SPP2: variants seen among roughly 807,000 people sequenced by gnomAD.
SPP2 encodes the protein secreted phosphoprotein 2.
In SPP2, 34 loss-of-function variants were observed where a neutral mutation model predicts 28.8. The observed-to-expected ratio is 1.18, with a 90% CI of 0.90 to 1.57. SPP2 has a LOEUF of 1.57. Ranked by LOEUF, SPP2 falls within the 40% of genes most tolerant of loss-of-function variation. The probability of loss-of-function intolerance (pLI) is 0.00; values close to 1 mark genes in which losing one functional copy is unlikely to be tolerated. For synonymous variants in SPP2, 96 were observed against 89.4 expected, an observed-to-expected ratio of 1.07 and a Z score of -0.42; for missense variants, 269 against 263.9, an observed-to-expected ratio of 1.02 and a Z score of -0.13.
chr2:234,058,770 A>G lies in SPP2; in HGVS notation c.211-66A>G, dbSNP rs1693658374. On this transcript the variant is annotated intron_variant, in intron 2 of 7. Coordinates refer to ENST00000168148, the MANE Select transcript of SPP2 (RefSeq NM_006944.3). Reference sequence around the variant, plus strand: ...ATTTTTTTCTTATGGGGTAGAGACAATGATTTATAGCATCATAAACTTCAG... The same window carrying G: ...ATTTTTTTCTTATGGGGTAGAGACAGTGATTTATAGCATCATAAACTTCAG... 2.1e-5 allele frequency: 33 copies of G among 1,540,120 alleles called. No homozygotes were observed. In the South Asian group the frequency reaches 4.1e-4, roughly 19 times the overall value.
chr2:234,051,150 G>A, intron 2 of SPP2, 55 bp downstream of exon 2: 1 of 1,593,542 alleles, frequency 6.3e-7, no homozygotes, highest in Non-Finnish European at 8.6e-7. Context: ...TCTGCCTTTT[G>A]TCAGTTCATT....
chr2:234,073,602 A>G (rs2125474844), intron 7 of SPP2, among the ~76,000 whole-genome samples: 1 of 152,340 alleles, frequency 6.6e-6, no homozygotes, highest in East Asian at 1.9e-4. Flanking sequence ...TAAGGTAGGA[A>G]ATGTAGAAAA....
At chr2:234,056,383 T>G (rs913380440) in intron 2 of SPP2, 7 of 152,200 alleles carry the variant, frequency 4.6e-5, no homozygotes, top group Non-Finnish European at 1.0e-4. Flanking sequence ...CTTCTTATTG[T>G]TCAGCATTTA....
rs1693695483 is a variant in SPP2, at chr2:234,060,428, T to C, written c.393T>C (p.His131=). The part of the protein sequence containing the change: ...KVSAQQVQGV[H]ARCSWSSSTS... ...CTGCCCAGCAGGTGCAGGGCGTGCA[T>C]GCTCGCTGCAGCTGGTCCTCCTCCA... The change falls in exon 4 of 8, where the codon CAT becomes CAC. Residue 131 remains histidine, a synonymous_variant. Coordinates refer to ENST00000168148, the MANE Select transcript of SPP2 (RefSeq NM_006944.3). 8 of 1,613,670 alleles carry C rather than the reference T, an allele frequency of 5.0e-6. No homozygotes were observed. Among genetic ancestry groups the C allele is most frequent in the South Asian group, 1.1e-5 (1 of 90,994 alleles).
intron 2 of SPP2, among the ~76,000 whole-genome samples, chr2:234,054,159 G>A (rs1186687822): frequency 6.6e-6 from 1 of 152,164 alleles, no homozygotes; most frequent in African/African-American, 2.4e-5. Context: ...GGAATATTGG[G>A]TGAGCTGGCA....
chr2:234,060,444 T>C lies in SPP2; in HGVS notation c.409T>C (p.Ser137Pro). The C allele has an allele frequency of 6.2e-7, 1 of 1,613,638 alleles. No individual in the cohort carries two copies. The highest frequency in any genetic ancestry group is 8.5e-7 in the Non-Finnish European group (1 of 1,179,876). ...GGGCGTGCATGCTCGCTGCAGCTGG[T>C]CCTCCTCCACGTCTGAGTCTTACAG... is the stretch of plus-strand genomic sequence containing the variant. ...VQGVHARCSWSSSTSESYSSE... is the reference protein window; with the variant it reads ...VQGVHARCSWPSSTSESYSSE... Residue 137 changes from serine to proline, a missense_variant, in exon 4 of 8, where the codon TCC becomes CCC. Transcript: ENST00000168148.
rs147289450 is a variant in SPP2 at position 234,069,502 on chromosome 2, C to T, written c.551-426C>T. On this transcript the variant is annotated intron_variant, in intron 6 of 7. Transcript: ENST00000168148. ...AAATTTCTAAGCCAAAATCTAAAAA[C>T]ACATTGGGCCTGGGGGAGCATCATT... is the stretch of plus-strand genomic sequence containing the variant. 3.5e-3 allele frequency among the ~76,000 whole-genome samples: 535 copies of T among 152,228 alleles called. 5 individuals carry two copies. The highest frequency in any genetic ancestry group is 0.012 in the African/African-American group (518 of 41,532).
chr2:234,073,077 G>A (rs1690828820), intron 7 of SPP2, among the ~76,000 whole-genome samples: 1 of 151,982 alleles, frequency 6.6e-6, no homozygotes, highest in African/African-American at 2.4e-5. Context: ...TAGTAGAGAT[G>A]GGGTTTCACC....
intron 2 of SPP2, among the ~76,000 whole-genome samples, chr2:234,057,692 C>A (rs1295251534): frequency 6.6e-6 from 1 of 152,196 alleles, no homozygotes; most frequent in Admixed American, 6.5e-5. Context: ...GACATCAGAA[C>A]TCCCCAGATT....
rs562773040 is a variant in SPP2, at chr2:234,059,537, AAAAC to A, written c.333+603_333+606del. Among the ~76,000 whole-genome samples the A allele has an allele frequency of 1.3e-3, 191 of 152,252 alleles. 2 individuals carry two copies. The highest frequency in any genetic ancestry group is 9.5e-3 in the South Asian group (46 of 4,820). Reference sequence around the variant, plus strand: ...AGGCTCCCAAATCCAGTTTCTCGGAAAAACAAACAAACAAACAAACAAACAAAAA... The same window carrying A: ...AGGCTCCCAAATCCAGTTTCTCGGAAAAACAAACAAACAAACAAACAAAAA... On this transcript the variant is annotated intron_variant, in intron 3 of 7. Transcript: ENST00000168148.
Position 234,055,566 on chromosome 2 carries a change from T to C in SPP2, c.211-3270T>C, listed in dbSNP as rs7558750. Among the ~76,000 whole-genome samples the C allele has an allele frequency of 3.3e-3, 508 of 152,338 alleles. 5 individuals are homozygous for C. Among genetic ancestry groups the C allele is most frequent in the African/African-American group, 0.012 (488 of 41,590 alleles). On this transcript the variant is annotated intron_variant, in intron 2 of 7. Transcript: ENST00000168148. ...TCAAATGGAATTGCTATGGGTCTTT[T>C]ATTTTTATATATTTGTATTTCTTTT...
intron 6 of SPP2, among the ~76,000 whole-genome samples, chr2:234,069,008 T>G (rs2125468942): frequency 6.6e-6 from 1 of 152,284 alleles, no homozygotes. Flanking sequence ...TGATCTCATC[T>G]GAAGCTTGAC....
Position 234,066,572 on chromosome 2 carries a change from A to C in SPP2, c.484A>C (p.Asn162His), listed in dbSNP as rs1161349909. ...GDMLGSHKWR[N>H]NYLFGLISDE... ...CATGTTGGGATCTCATAAATGGAGAAACAATTATCTATTTGGTAAGTTAAG... is the reference window on the plus strand; with the variant it reads ...CATGTTGGGATCTCATAAATGGAGACACAATTATCTATTTGGTAAGTTAAG... Residue 162 changes from asparagine to histidine, a missense_variant, in exon 5 of 8, where the codon AAC becomes CAC. Transcript: ENST00000168148. The C allele has an allele frequency of 6.2e-7, 1 of 1,612,118 alleles. No individual in the cohort carries two copies.
At chr2:234,059,098 T>TG in intron 3 of SPP2, 140 bp downstream of exon 3, 1 of 1,014,634 alleles carries the variant, frequency 9.9e-7, no homozygotes, top group Admixed American at 3.1e-5. Context: ...TTGTGTCCCC[T>TG]GGTGGGGGAA....
chr2:234,051,702 A>G (rs1358788360), intron 2 of SPP2, among the ~76,000 whole-genome samples: 1 of 152,200 alleles, frequency 6.6e-6, no homozygotes, highest in South Asian at 2.1e-4. Context: ...CTGCCTTATT[A>G]TCATCTGCAT....
Position 234,051,097 on chromosome 2 carries a change from T to G in SPP2, c.210+2T>G. 6.2e-7 allele frequency: 1 copy of G among 1,613,018 alleles called. No individual in the cohort carries two copies. The highest frequency in any genetic ancestry group is 8.5e-7 in the Non-Finnish European group (1 of 1,179,222). ...GCATTCAGAAGCTCATTAAAAAGAGTAAGTGCAAAATGAAATCTTCTCTAC... is the reference window on the plus strand; with the variant it reads ...GCATTCAGAAGCTCATTAAAAAGAGGAAGTGCAAAATGAAATCTTCTCTAC... On this transcript the variant is annotated splice_donor_variant, in intron 2 of 7. Coordinates refer to ENST00000168148, the MANE Select transcript of SPP2 (RefSeq NM_006944.3). LOFTEE classifies it high-confidence loss of function.
At chr2:234,057,534 C>T (rs74467464) in intron 2 of SPP2, among the ~76,000 whole-genome samples, 34 of 152,182 alleles carry the variant, frequency 2.2e-4, no homozygotes, top group African/African-American at 8.2e-4. Flanking sequence ...TTGATAGCCC[C>T]ATAACTATCT....
At chr2:234,054,648 T>C (rs1443948597) in intron 2 of SPP2, among the ~76,000 whole-genome samples, 1 of 152,146 alleles carries the variant, frequency 6.6e-6, no homozygotes, top group Non-Finnish European at 1.5e-5. Flanking sequence ...GTGCTCTACC[T>C]TGAAGACCTA....
Position 234,069,963 on chromosome 2 carries a change from A to G in SPP2, c.586A>G (p.Arg196Gly). 6.2e-7 allele frequency: 1 copy of G among 1,613,406 alleles called. No homozygotes were observed. The highest frequency in any genetic ancestry group is 8.5e-7 in the Non-Finnish European group (1 of 1,179,542). The change falls in exon 7 of 8, where the codon AGG becomes GGG. Residue 196 changes from arginine to glycine, a missense_variant. Arg to Gly is a moderately radical substitution (Grantham distance 125). Transcript: ENST00000168148. ...AAGGGTATTGCCTCCTGGAAACAGA[A>G]GGTACCCAAACCACCGGCACAGAGC... is the stretch of plus-strand genomic sequence containing the variant. ...MRRVLPPGNR[R>G]YPNHRHRARI...
Sources: gnomAD v4.1 joint callset for allele counts (sites outside exome capture counted in the v4.1 genomes callset) on GRCh38, gnomAD v4.1.1 for gene constraint, MANE v1.5 for transcripts, NCBI Gene and HGNC (gene_info 2026-07-23, HGNC 2026-07-21) for gene names.